The following PTPRN2 variants were observed in gnomAD, a reference collection of about 807,000 sequenced individuals.
The protein encoded by PTPRN2 is protein tyrosine phosphatase receptor type N2, also known as receptor-type tyrosine-protein phosphatase N2.
Under a neutral mutation model 118.8 loss-of-function variants are expected in PTPRN2, and 74 were observed. The observed-to-expected ratio is 0.62, with a 90% CI of 0.52 to 0.76. The LOEUF (loss-of-function observed/expected upper bound fraction) is 0.76, where lower values mean the gene tolerates loss of function less well. Ranked by LOEUF, PTPRN2 falls within the 30% of genes least tolerant of loss-of-function variation. The probability of loss-of-function intolerance (pLI) is 0.00; values close to 1 mark genes in which losing one functional copy is unlikely to be tolerated. For missense variants in PTPRN2, 1,481 were observed against 1,394.4 expected (o/e 1.06, Z -0.99); for synonymous variants, 641 against 608.0 (o/e 1.05, Z -0.80).
At chr7:158,088,764 TC>T (rs1248602194) in intron 10 of PTPRN2, among the ~76,000 whole-genome samples, 1 of 13,844 alleles carries the variant, frequency 7.2e-5, no homozygotes, top group African/African-American at 1.5e-4. Flanking sequence ...CAAACCTTCT[TC>T]CCCTGATGAA....
chr7:157,657,307 A>AC (rs1795571816), intron 13 of PTPRN2, among the ~76,000 whole-genome samples: 1 of 134,768 alleles, frequency 7.4e-6, no homozygotes. Context: ...ATATACACAC[A>AC]CACACCACAC....
At chr7:158,562,546 G>C (rs1445703134) in intron 1 of PTPRN2, among the ~76,000 whole-genome samples, 1 of 152,108 alleles carries the variant, frequency 6.6e-6, no homozygotes, top group Non-Finnish European at 1.5e-5. Flanking sequence ...TCAATGCAGC[G>C]AAACCCAGGG....
intron 3 of PTPRN2, among the ~76,000 whole-genome samples, chr7:158,221,385 C>T (rs1038832617): frequency 3.3e-5 from 5 of 151,774 alleles, no homozygotes; most frequent in Admixed American, 6.6e-5. Context: ...TAAACCAAAG[C>T]GCTTCTGAAC....
At chr7:158,567,021 T>C (rs760653763) in intron 1 of PTPRN2, among the ~76,000 whole-genome samples, 1 of 152,170 alleles carries the variant, frequency 6.6e-6, no homozygotes, top group Non-Finnish European at 1.5e-5. Flanking sequence ...ACCAAAAGAT[T>C]GTTAAAGTTT....
intron 5 of PTPRN2, among the ~76,000 whole-genome samples, chr7:158,190,500 G>A (rs1175345013): frequency 2.6e-5 from 4 of 152,212 alleles, no homozygotes; most frequent in African/African-American, 7.2e-5. Context: ...GCCAGCCAGT[G>A]GTCCTGATGG....
At chr7:157,851,210 T>TATCA (rs1809252707) in intron 12 of PTPRN2, among the ~76,000 whole-genome samples, 1 of 152,256 alleles carries the variant, frequency 6.6e-6, no homozygotes, top group Non-Finnish European at 1.5e-5. Context: ...CGAGGCTGTT[T>TATCA]GGGTTCCTGC....
At chr7:158,219,713 G>C (rs1264373998) in intron 3 of PTPRN2, among the ~76,000 whole-genome samples, 1 of 151,874 alleles carries the variant, frequency 6.6e-6, no homozygotes, top group Non-Finnish European at 1.5e-5. Context: ...TGACAACGGT[G>C]ATATTACAAG....
chr7:158,266,030 C>T (rs987146504), intron 3 of PTPRN2, among the ~76,000 whole-genome samples: 25 of 152,284 alleles, frequency 1.6e-4, no homozygotes, highest in African/African-American at 4.6e-4. Flanking sequence ...GTGTCTGCTG[C>T]GGTGTGATGT....
intron 2 of PTPRN2, among the ~76,000 whole-genome samples, chr7:158,318,673 T>C (rs1051696012): frequency 6.6e-6 from 1 of 152,180 alleles, no homozygotes; most frequent in African/African-American, 2.4e-5. Context: ...AGGAAGGCGC[T>C]CTCGGCCGGC....
intron 1 of PTPRN2, among the ~76,000 whole-genome samples, chr7:158,505,542 A>G (rs1259798142): frequency 6.6e-6 from 1 of 152,242 alleles, no homozygotes. Context: ...AAGGTTAAAT[A>G]ACAATAGTTT....
rs1797786273 is a variant in PTPRN2 at position 157,906,660 on chromosome 7, C to A, written c.1724-7923G>T. On this transcript the variant is annotated intron_variant, in intron 11 of 22. Coordinates refer to ENST00000389418, the MANE Select transcript of PTPRN2 (RefSeq NM_002847.5). The stretch of plus-strand genomic sequence containing the variant: ...TAAAAAAAAAAAGGTTTAAACATTG[C>A]AAACCTTCTTAAAGCTTCTCACTCA... 2.0e-5 allele frequency among the ~76,000 whole-genome samples: 3 copies of A among 151,914 alleles called. No individual in the cohort carries two copies. The South Asian group carries it at 6.2e-4, about 32-fold the overall frequency.
At chr7:157,705,988 C>T (rs1331410874) in intron 12 of PTPRN2, among the ~76,000 whole-genome samples, 1 of 152,132 alleles carries the variant, frequency 6.6e-6, no homozygotes. Flanking sequence ...TGACCACATC[C>T]CTCCAGAATG....
chr7:158,000,714 T>G (rs528966141), intron 11 of PTPRN2, among the ~76,000 whole-genome samples: 1 of 732 alleles, frequency 1.4e-3, no homozygotes, highest in Non-Finnish European at 2.7e-3. Flanking sequence ...GCAGGTGGGG[T>G]GCAGGGTGGG....
rs1000437174 is a variant in PTPRN2, at chr7:158,137,852, G to A, written c.1132+442C>T. Among the ~76,000 whole-genome samples the A allele has an allele frequency of 1.8e-4, 28 of 152,170 alleles. 1 individual carries two copies. Among genetic ancestry groups the A allele is most frequent in the Non-Finnish European group, 3.5e-4 (24 of 68,034 alleles). On this transcript the variant is annotated intron_variant, in intron 7 of 22. Coordinates refer to ENST00000389418, the MANE Select transcript of PTPRN2 (RefSeq NM_002847.5). ...ACCCATGGGGCCTCCACAGGGCTCC[G>A]GATGCCTGCCGGGGTAGTGGTGCTG...
chr7:157,820,306 A>G (rs1365330445), intron 12 of PTPRN2, among the ~76,000 whole-genome samples: 1 of 148,774 alleles, frequency 6.7e-6, no homozygotes, highest in African/African-American at 2.5e-5. Flanking sequence ...CACACAGCAG[A>G]CCCACACACG....
chr7:157,802,327 C>T (rs907544569), intron 12 of PTPRN2, among the ~76,000 whole-genome samples: 2 of 152,234 alleles, frequency 1.3e-5, no homozygotes, highest in African/African-American at 4.8e-5. Flanking sequence ...TCAGCGACGT[C>T]GTGCAGCCTC....
At chr7:157,702,379 G>A (rs552379042) in intron 12 of PTPRN2, among the ~76,000 whole-genome samples, 11 of 152,212 alleles carry the variant, frequency 7.2e-5, no homozygotes, top group Non-Finnish European at 1.5e-4. Context: ...GTAGGTGCTG[G>A]TGTAACTGAC....
chr7:157,542,862 C>T (rs909707951), intron 22 of PTPRN2, among the ~76,000 whole-genome samples: 10 of 152,186 alleles, frequency 6.6e-5, no homozygotes, highest in South Asian at 2.1e-4. Flanking sequence ...GGGTGCTTCC[C>T]GGAGGGGTGC....
chr7:157,697,641 T>G (rs1390682594), intron 12 of PTPRN2, among the ~76,000 whole-genome samples: 1 of 146,738 alleles, frequency 6.8e-6, no homozygotes, highest in Non-Finnish European at 1.5e-5. Flanking sequence ...CGTCTACCCA[T>G]GCATACTGGA....
Sources: gnomAD v4.1 joint callset for allele counts (sites outside exome capture counted in the v4.1 genomes callset) on GRCh38, gnomAD v4.1.1 for gene constraint, MANE v1.5 for transcripts, NCBI Gene and HGNC (gene_info 2026-07-23, HGNC 2026-07-21) for gene names.